PIH1D2: variants seen among roughly 807,000 people sequenced by gnomAD.
PIH1D2 encodes PIH1 domain containing 2.
A neutral mutation model predicts 31.2 loss-of-function variants in PIH1D2; 25 were observed. The ratio of observed to expected loss-of-function variants is 0.80; its 90% CI spans 0.58 to 1.12. PIH1D2 has a LOEUF of 1.12. Among genes scored for constraint, PIH1D2 ranks in the 50% most tolerant of loss-of-function variants. PIH1D2 has a pLI of 0.00. For synonymous variants in PIH1D2, 116 were observed against 119.9 expected (o/e 0.97, Z 0.21); for missense variants, 310 against 356.6 (o/e 0.87, Z 1.05).
chr11:112,068,591 A>G (rs952891115), intron 5 of PIH1D2, among the ~76,000 whole-genome samples: 8 of 152,012 alleles, frequency 5.3e-5, no homozygotes. Context: ...CGAGACCAAC[A>G]TGGGCAACAT....
downstream of PIH1D2, among the ~76,000 whole-genome samples, chr11:112,066,927 G>C (rs1215077851): frequency 6.6e-6 from 1 of 152,132 alleles, no homozygotes; most frequent in Non-Finnish European, 1.5e-5. Flanking sequence ...GCCAGGCGTG[G>C]TGGCACATGC....
At chr11:112,067,341 A>G (rs138810901), downstream of PIH1D2, among the ~76,000 whole-genome samples, 1,644 of 151,870 alleles carry the variant, frequency 0.011, 36 homozygotes, top group African/African-American at 0.038. Flanking sequence ...ATTCTGGTTG[A>G]TGTTTATTTG....
downstream of PIH1D2, chr11:112,062,611 G>A: frequency 6.6e-7 from 1 of 1,510,310 alleles, no homozygotes; most frequent in Non-Finnish European, 9.1e-7. Context: ...TTATTAAACA[G>A]GTGGTTCTTT....
chr11:112,071,170 TCTC>T lies in PIH1D2; in HGVS notation c.412_414del (p.Glu138del). Reference sequence around the variant, plus strand: ...GAGTGTGAGAGGGTGAACTGGAATTTCTCCTCAATGCATTTCATGGCCATCTGA... The same window carrying T: ...GAGTGTGAGAGGGTGAACTGGAATTTCTCAATGCATTTCATGGCCATCTGA... On this transcript the variant is annotated inframe_deletion, in exon 4 of 6. Coordinates refer to ENST00000280350, the MANE Select transcript of PIH1D2 (RefSeq NM_138789.4). The T allele has an allele frequency of 1.9e-6, 3 of 1,613,826 alleles. No homozygotes were observed. The South Asian group carries it at 3.3e-5, about 18-fold the overall frequency.
intron 2 of PIH1D2, among the ~76,000 whole-genome samples, chr11:112,071,967 C>T (rs1298365026): frequency 1.3e-5 from 2 of 152,060 alleles, no homozygotes; most frequent in African/African-American, 4.8e-5. Context: ...GTGGTGGATA[C>T]CTGTAATCCC....
chr11:112,055,319 C>A, the PIH1D2 span, among the ~76,000 whole-genome samples: 1 of 143,436 alleles, frequency 7.0e-6, no homozygotes, highest in East Asian at 2.2e-4. Flanking sequence ...TCTCGGCTCA[C>A]TGCAACCTCC....
downstream of PIH1D2, among the ~76,000 whole-genome samples, chr11:112,067,427 G>A (rs932695332): frequency 4.6e-5 from 7 of 151,418 alleles, no homozygotes. Context: ...ACTTTGGGAG[G>A]CCGAGGCAGG....
downstream of PIH1D2, chr11:112,062,260 T>G: frequency 6.0e-6 from 5 of 828,748 alleles, no homozygotes; most frequent in South Asian, 1.7e-5. Flanking sequence ...GCTATAAATT[T>G]GAGCTAAAGG....
chr11:112,070,200 A>G lies in PIH1D2; in HGVS notation c.813+236T>C, dbSNP rs183356762. 7.6e-5 allele frequency: 46 copies of G among 606,364 alleles called. No individual in the cohort carries two copies. In the East Asian group the frequency reaches 1.2e-3, roughly 16 times the overall value. The allele number at this position is 606,364 out of a possible 1,614,324, so 37.6% of individuals were successfully genotyped here. Reference sequence around the variant, plus strand: ...GGCCAGTGGAGCGTGAGTAGAAGTGATATCATGAAGTGTCATGTCTGAGTA... The same window carrying G: ...GGCCAGTGGAGCGTGAGTAGAAGTGGTATCATGAAGTGTCATGTCTGAGTA... On this transcript the variant is annotated intron_variant, in intron 5 of 5. Coordinates refer to ENST00000280350, the MANE Select transcript of PIH1D2 (RefSeq NM_138789.4).
chr11:112,070,681 G>C lies in PIH1D2; in HGVS notation c.568C>G (p.Arg190Gly). The change falls in exon 5 of 6, where the codon CGA becomes GGA. Residue 190 changes from arginine (R) to glycine (G), a missense_variant. Arg to Gly is a moderately radical substitution (Grantham distance 125). Transcript: ENST00000280350. ...MRRELTLGQIRSSTMSNPDHF... is the reference protein window; with the variant it reads ...MRRELTLGQIGSSTMSNPDHF... ...TCTGGATTGCTCATAGTACTGCTTC[G>C]TATCTGTCCAAGAGTTAGTTCTTTA... The C allele has an allele frequency of 6.2e-7, 1 of 1,613,940 alleles. No homozygotes were observed. The highest frequency in any genetic ancestry group is 8.5e-7 in the Non-Finnish European group (1 of 1,179,950).
At chr11:112,062,824 G>A, downstream of PIH1D2, 1 of 376,456 alleles carries the variant, frequency 2.7e-6, no homozygotes, top group Non-Finnish European at 5.1e-6. Flanking sequence ...CTTCCTCTAG[G>A]AAATGTACGA....
At chr11:112,059,274 G>A (rs934504748), downstream of PIH1D2, among the ~76,000 whole-genome samples, 2 of 151,962 alleles carry the variant, frequency 1.3e-5, no homozygotes, top group Non-Finnish European at 2.9e-5. Flanking sequence ...CTGCATTCAC[G>A]TGTCGGTCAA....
At chr11:112,054,487 G>C in the PIH1D2 span, among the ~76,000 whole-genome samples, 12 of 152,096 alleles carry the variant, frequency 7.9e-5, no homozygotes, top group Admixed American at 7.2e-4. Context: ...AATTGCTTTA[G>C]GGAAGGCTAG....
chr11:112,053,145 A>C, the PIH1D2 span, among the ~76,000 whole-genome samples: 40 of 152,086 alleles, frequency 2.6e-4, no homozygotes, highest in Non-Finnish European at 5.3e-4. Flanking sequence ...AACATGGTGA[A>C]ACCCCATCTC....
the PIH1D2 span, among the ~76,000 whole-genome samples, chr11:112,053,257 G>C: frequency 6.6e-6 from 1 of 152,082 alleles, no homozygotes; most frequent in Non-Finnish European, 1.5e-5. Flanking sequence ...AGGAGGTGGA[G>C]GTTGCAGTGA....
At position 112,071,226 on chromosome 11, in the gene PIH1D2, T is replaced by C; in HGVS notation, c.359A>G (p.Lys120Arg). The change falls in exon 4 of 6, where the codon AAG (lysine) becomes AGG (arginine). Residue 120 changes from lysine to arginine, a missense_variant. Lys to Arg is a conservative substitution (Grantham distance 26, BLOSUM62 2). Transcript: ENST00000280350. ...YNPDVLHAAE[K>R]DQVKKNQLIQ... ...TAACTGATTTTTTTTCACTTGGTCCTTTTCTGCTGCATGAAGAACATCAGG... is the reference window on the plus strand; with the variant it reads ...TAACTGATTTTTTTTCACTTGGTCCCTTTCTGCTGCATGAAGAACATCAGG... 2.5e-6 allele frequency: 4 copies of C among 1,613,702 alleles called. No individual in the cohort carries two copies. The highest frequency in any genetic ancestry group is 1.1e-5 in the South Asian group (1 of 91,056).
rs782016343 is a variant in PIH1D2, at chr11:112,073,219, C to T, written c.-31-14G>A. ...ATTTTCTTAAGCCTGTGGAAAAACACGACTTCAGGAAGAAAACTGTCTGTG... is the reference window on the plus strand; with the variant it reads ...ATTTTCTTAAGCCTGTGGAAAAACATGACTTCAGGAAGAAAACTGTCTGTG... On this transcript the variant is annotated splice_polypyrimidine_tract_variant and intron_variant, in intron 1 of 5. Coordinates refer to ENST00000280350, the MANE Select transcript of PIH1D2 (RefSeq NM_138789.4). 13 of 1,472,598 alleles carry T rather than the reference C, an allele frequency of 8.8e-6. No homozygotes were observed. Among genetic ancestry groups the T allele is most frequent in the East Asian group, 2.3e-5 (1 of 43,264 alleles). 91.2% of individuals were successfully genotyped at this position (1,472,598 alleles called of 1,614,324 possible).
At chr11:112,061,214 T>G (rs2135167123), downstream of PIH1D2, 2 of 1,610,828 alleles carry the variant, frequency 1.2e-6, no homozygotes, top group East Asian at 4.5e-5. Context: ...AGCTAATTTT[T>G]ATTACACTGT....
the PIH1D2 span, among the ~76,000 whole-genome samples, chr11:112,054,549 G>T: frequency 2.0e-5 from 3 of 152,148 alleles, no homozygotes; most frequent in Non-Finnish European, 4.4e-5. Flanking sequence ...GAGGAGAGGA[G>T]ATTCAGAAAC....
Sources: allele counts gnomAD v4.1 joint callset (sites outside exome capture counted in the v4.1 genomes callset), GRCh38; gene constraint gnomAD v4.1.1; transcripts MANE v1.5; gene names NCBI Gene and HGNC (gene_info 2026-07-23, HGNC 2026-07-21).